SH3GL2: variants seen among roughly 807,000 people sequenced by gnomAD.
The protein encoded by SH3GL2 is SH3 domain containing GRB2 like 2, endophilin A1.
SH3GL2 carries 24 observed loss-of-function variants against 46.0 expected under a neutral mutation model. The ratio of observed to expected loss-of-function variants is 0.52; its 90% CI spans 0.38 to 0.73. The LOEUF is 0.73. Ranked by LOEUF, SH3GL2 falls within the 30% of genes least tolerant of loss-of-function variation. The pLI is 0.00. For synonymous variants in SH3GL2, 196 were observed against 147.1 expected, an observed-to-expected ratio of 1.33 and a Z score of -2.40; for missense variants, 413 against 424.2, an observed-to-expected ratio of 0.97 and a Z score of 0.23.
intron 1 of SH3GL2, among the ~76,000 whole-genome samples, chr9:17,636,242 C>T (rs187195889): frequency 6.6e-6 from 1 of 152,286 alleles, no homozygotes; most frequent in Admixed American, 6.5e-5. Flanking sequence ...GAATGCATTT[C>T]TAGGCCCTAG....
At chr9:17,760,245 A>C (rs1043322621) in intron 2 of SH3GL2, among the ~76,000 whole-genome samples, 2 of 152,214 alleles carry the variant, frequency 1.3e-5, no homozygotes, top group African/African-American at 4.8e-5. Flanking sequence ...ATAACTTCAC[A>C]AGAAAAAATT....
chr9:17,636,830 GT>G (rs1376560463), intron 1 of SH3GL2, among the ~76,000 whole-genome samples: 1 of 152,114 alleles, frequency 6.6e-6, no homozygotes, highest in East Asian at 1.9e-4. Context: ...TCTACTTATT[GT>G]TATAACAATT....
chr9:17,609,003 T>C (rs960584428), intron 1 of SH3GL2, among the ~76,000 whole-genome samples: 3 of 152,218 alleles, frequency 2.0e-5, no homozygotes, highest in Non-Finnish European at 4.4e-5. Flanking sequence ...CTTTCACTGA[T>C]CCCAGCATCT....
At chr9:17,610,250 A>G (rs950919284) in intron 1 of SH3GL2, among the ~76,000 whole-genome samples, 2 of 152,186 alleles carry the variant, frequency 1.3e-5, no homozygotes, top group African/African-American at 4.8e-5. Flanking sequence ...TCTTTTCCTC[A>G]TTTTAATCAA....
intron 1 of SH3GL2, among the ~76,000 whole-genome samples, chr9:17,657,110 A>G (rs187824365): frequency 1.7e-4 from 26 of 152,326 alleles, no homozygotes; most frequent in Admixed American, 1.7e-3. Flanking sequence ...CTGATAGAGA[A>G]AAGTAGTCTG....
At chr9:17,583,327 G>C (rs925163419) in intron 1 of SH3GL2, among the ~76,000 whole-genome samples, 1 of 152,162 alleles carries the variant, frequency 6.6e-6, no homozygotes, top group Non-Finnish European at 1.5e-5. Flanking sequence ...ACAGTATTAA[G>C]AAATGGGGCC....
chr9:17,661,808 G>T (rs939785118), intron 1 of SH3GL2, among the ~76,000 whole-genome samples: 3 of 151,766 alleles, frequency 2.0e-5, no homozygotes, highest in African/African-American at 4.9e-5. Context: ...AGATAGTCCT[G>T]AATATAAACT....
intron 7 of SH3GL2, 95 bp from the exon 8 acceptor site, chr9:17,793,272 G>T (rs915514687): frequency 1.1e-5 from 12 of 1,087,678 alleles, no homozygotes; most frequent in Non-Finnish European, 1.6e-5. Flanking sequence ...TAGCATGGTG[G>T]GTGACCCAAG....
intron 1 of SH3GL2, among the ~76,000 whole-genome samples, chr9:17,731,378 AGAAGAG>A (rs1822175796): frequency 6.7e-6 from 1 of 149,314 alleles, no homozygotes; most frequent in Non-Finnish European, 1.5e-5. Flanking sequence ...TGCCCTTAAA[AGAAGAG>A]GAAGAGGAAA....
At chr9:17,589,911 G>A (rs1043258805) in intron 1 of SH3GL2, 1 of 152,148 alleles carries the variant, frequency 6.6e-6, no homozygotes, top group African/African-American at 2.4e-5. Context: ...AGCCCTGAAT[G>A]GTTTTCTAGG....
At chr9:17,756,836 T>C (rs1411010864) in intron 2 of SH3GL2, among the ~76,000 whole-genome samples, 1 of 152,142 alleles carries the variant, frequency 6.6e-6, no homozygotes, top group Non-Finnish European at 1.5e-5. Context: ...TTTGGGTATA[T>C]ACCCAGTAAT....
At chr9:17,671,138 A>G (rs1443920605) in intron 1 of SH3GL2, among the ~76,000 whole-genome samples, 6 of 152,334 alleles carry the variant, frequency 3.9e-5, no homozygotes, top group Admixed American at 2.6e-4. Context: ...AAGATATATG[A>G]TGCTGGTATC....
At position 17,789,386 on chromosome 9, in the gene SH3GL2, T is replaced by G. The variant is rs199508122; in HGVS notation, c.466-6T>G. 1.9e-6 allele frequency: 3 copies of G among 1,612,718 alleles called. No homozygotes were observed. In the East Asian group the frequency reaches 6.7e-5, roughly 36 times the overall value. ...CAAAGCCTATTCCTGCCCTTGACTTTTGCAGCATCATCTAAAGAAGTTGGA... is the reference window on the plus strand; with the variant it reads ...CAAAGCCTATTCCTGCCCTTGACTTGTGCAGCATCATCTAAAGAAGTTGGA... On this transcript the variant is annotated splice_region_variant and splice_polypyrimidine_tract_variant and intron_variant, in intron 5 of 8. Transcript: ENST00000380607.
chr9:17,771,262 G>A (rs1046177994), intron 3 of SH3GL2, among the ~76,000 whole-genome samples: 3 of 152,296 alleles, frequency 2.0e-5, no homozygotes, highest in East Asian at 3.9e-4. Flanking sequence ...GAACCCCCCA[G>A]GGAGTATAGG....
At chr9:17,580,501 C>T (rs551880229) in intron 1 of SH3GL2, among the ~76,000 whole-genome samples, 1 of 152,308 alleles carries the variant, frequency 6.6e-6, no homozygotes, top group African/African-American at 2.4e-5. Context: ...ATCACACATT[C>T]TTGCCTTTAT....
chr9:17,689,151 C>T (rs57394033), intron 1 of SH3GL2, among the ~76,000 whole-genome samples: 11,774 of 152,082 alleles, frequency 0.077, 1,014 homozygotes, highest in African/African-American at 0.21. Context: ...TAAACTCCCA[C>T]CTCTAGTCTC....
rs1554633758 is a variant in SH3GL2 at position 17,641,807 on chromosome 9, A to ACTGCATGG, written c.45+62520_45+62521insCTGCATGG. The stretch of plus-strand genomic sequence containing the variant: ...GTGGCTGCATAGTATTGCATGGTTT[A>ACTGCATGG]TTTATGCCACATTTTCTTTATCCAG... On this transcript the variant is annotated intron_variant, in intron 1 of 8. Transcript: ENST00000380607. Among the ~76,000 whole-genome samples the ACTGCATGG allele has an allele frequency of 2.8e-3, 419 of 152,246 alleles. 1 individual carries two copies. The highest frequency in any genetic ancestry group is 9.9e-3 in the African/African-American group (410 of 41,510).
chr9:17,731,560 T>C (rs1017730990), intron 1 of SH3GL2, among the ~76,000 whole-genome samples: 4 of 152,018 alleles, frequency 2.6e-5, no homozygotes, highest in African/African-American at 7.2e-5. Flanking sequence ...AAGCCAGGAA[T>C]TGAGCGTTCA....
chr9:17,777,106 A>G (rs1823662857), intron 3 of SH3GL2, among the ~76,000 whole-genome samples: 1 of 152,172 alleles, frequency 6.6e-6, no homozygotes, highest in South Asian at 2.1e-4. Context: ...CTTAGATTAC[A>G]TATTCGTTGG....
Sources: gnomAD v4.1 joint callset for allele counts (sites outside exome capture counted in the v4.1 genomes callset) on GRCh38, gnomAD v4.1.1 for gene constraint, MANE v1.5 for transcripts, NCBI Gene and HGNC (gene_info 2026-07-23, HGNC 2026-07-21) for gene names.